Variants in CFAP157 observed in about 807,000 individuals in gnomAD.
CFAP157 encodes the protein cilia and flagella associated protein 157, also known as cilia- and flagella-associated protein 157.
In CFAP157, 43 loss-of-function variants were observed where a neutral mutation model predicts 57.8. The observed-to-expected ratio is 0.74, with a 90% CI of 0.58 to 0.96. The LOEUF is 0.96. Ranked by LOEUF, CFAP157 falls within the 40% of genes least tolerant of loss-of-function variation. The pLI, the probability that CFAP157 is intolerant of heterozygous loss-of-function variation, is 0.00. For missense variants in CFAP157, 606 were observed against 655.3 expected (o/e 0.92, Z 0.82); for synonymous variants, 267 against 269.0 (o/e 0.99, Z 0.07).
At position 127,711,831 on chromosome 9, in the gene CFAP157, G is replaced by A. The variant is rs1360730547; in HGVS notation, c.867G>A (p.Met289Ile). Reference protein sequence around the residue: ...HKRGHQKIILMLTKKCQEQQQ... With the variant: ...HKRGHQKIILILTKKCQEQQQ... ...GTCCGCACCCGCAGATCATCCTCAT[G>A]CTGACTAAGAAGTGCCAGGAGCAGC... Residue 289 changes from methionine (M) to isoleucine (I), a missense_variant, in exon 5 of 9, where the codon ATG becomes ATA. Met to Ile is a conservative substitution (Grantham distance 10). Coordinates refer to ENST00000373295, the MANE Select transcript of CFAP157 (RefSeq NM_001012502.3). 2.6e-6 allele frequency: 4 copies of A among 1,567,924 alleles called. No homozygotes were observed. The highest frequency in any genetic ancestry group is 3.5e-6 in the Non-Finnish European group (4 of 1,156,546).
intron 8 of CFAP157, 93 bp from the exon 9 acceptor site, chr9:127,713,741 A>G: frequency 9.6e-7 from 1 of 1,045,770 alleles, no homozygotes; most frequent in Non-Finnish European, 1.5e-6. Flanking sequence ...TCCTGACGTC[A>G]AGCAATCCCC....
rs1214988748 is a variant in CFAP157 at position 127,715,142 on chromosome 9, A to G, written c.*1237A>G. On this transcript the variant is annotated 3_prime_UTR_variant, in exon 9 of 9. Transcript: ENST00000373295. This position sits in a 1 kb window ranked among gnomAD's most constrained non-coding sequence, Gnocchi z 5.8. ...CCGCGCCAGCTGCCCCAGCACCGCC[A>G]TGCCCACGCTGTGTCGCGTGCCGGG... 1 of 1,537,712 alleles carries G rather than the reference A, an allele frequency of 6.5e-7. No individual in the cohort carries two copies. Among genetic ancestry groups the G allele is most frequent in the Admixed American group, 1.9e-5 (1 of 51,798 alleles).
chr9:127,712,552 G>A lies in CFAP157; in HGVS notation c.1138-157G>A, dbSNP rs928002816. 8 of 1,529,292 alleles carry A rather than the reference G, an allele frequency of 5.2e-6. No homozygotes were observed. In the African/African-American group the frequency reaches 9.6e-5, roughly 18 times the overall value. The allele number at this position is 1,529,292 out of a possible 1,614,324, so 94.7% of individuals were successfully genotyped here. A position where few individuals can be genotyped will look rare whatever the true frequency, so the allele number is the denominator to read the frequency against. On this transcript the variant is annotated intron_variant, in intron 6 of 8. Transcript: ENST00000373295. ...AGCTGGATTCCTTCTCTGAGGCTCT[G>A]AAAGGTCTTGGGCCTCAGTCTTCCC... is the stretch of plus-strand genomic sequence containing the variant.
rs755719395 is a variant in CFAP157, at chr9:127,711,244, C to A, written c.603C>A (p.Ile201=). 3 of 1,613,868 alleles carry A rather than the reference C, an allele frequency of 1.9e-6. No homozygotes were observed. Among genetic ancestry groups the A allele is most frequent in the Non-Finnish European group, 2.5e-6 (3 of 1,179,928 alleles). Residue 201 remains isoleucine (I), a synonymous_variant, in exon 4 of 9, where the codon ATC becomes ATA. Transcript: ENST00000373295. ...VLDKDRLRKE[I]IQRVNLVANE... ...TTCTGGCCAGACTGAGGAAAGAGAT[C>A]ATCCAGCGCGTGAACCTCGTGGCCA... is the stretch of plus-strand genomic sequence containing the variant.
rs769140179 is a variant in CFAP157, at chr9:127,711,779, C to T, written c.856-41C>T. 73 of 1,540,348 alleles carry T rather than the reference C, an allele frequency of 4.7e-5. No homozygotes were observed. In the East Asian group the frequency reaches 1.7e-3, roughly 36 times the overall value. On this transcript the variant is annotated intron_variant, in intron 4 of 8. Coordinates refer to ENST00000373295, the MANE Select transcript of CFAP157 (RefSeq NM_001012502.3). Reference sequence around the variant, plus strand: ...CCTGGCTGTGTCTGCAGCTGGGGGACAGGGCAGGCTGAGGGCATGGCCACC... The same window carrying T: ...CCTGGCTGTGTCTGCAGCTGGGGGATAGGGCAGGCTGAGGGCATGGCCACC...
At position 127,715,574 on chromosome 9, in the gene CFAP157, C is replaced by A. The variant is rs775613929; in HGVS notation, c.*1669C>A. 19 of 1,613,402 alleles carry A rather than the reference C, an allele frequency of 1.2e-5. No individual in the cohort carries two copies. The Admixed American group carries it at 3.2e-4, about 27-fold the overall frequency. On this transcript the variant is annotated 3_prime_UTR_variant, in exon 9 of 9. Coordinates refer to ENST00000373295, the MANE Select transcript of CFAP157 (RefSeq NM_001012502.3). The surrounding 1 kb of genome is among the most constrained non-coding windows in gnomAD (Gnocchi z 5.8). The stretch of plus-strand genomic sequence containing the variant: ...ACCGCTTCCCCGGGGGGCGAGGCTC[C>A]AAAACACATCGGCTCATGGCTCTAC...
At chr9:127,707,924 G>A (rs7849125) in intron 1 of CFAP157, among the ~76,000 whole-genome samples, 7,934 of 152,222 alleles carry the variant, frequency 0.052, 720 homozygotes, top group African/African-American at 0.18. Context: ...GTCCCTCGTG[G>A]TGCCAGGCAG....
chr9:127,707,249 T>TG (rs1398325602), intron 1 of CFAP157, 57 bp downstream of exon 1: 2 of 1,579,212 alleles, frequency 1.3e-6, no homozygotes, highest in African/African-American at 2.7e-5. Flanking sequence ...CATGCCCAGG[T>TG]GGCCCCCATG....
intron 8 of CFAP157, 86 bp from the exon 9 acceptor site, chr9:127,713,748 C>T (rs1842825861): frequency 9.0e-7 from 1 of 1,109,136 alleles, no homozygotes; most frequent in Non-Finnish European, 1.4e-6. Context: ...GTCAAGCAAT[C>T]CCCCAGCCTC....
chr9:127,712,785 T>C lies in CFAP157; in HGVS notation c.1214T>C (p.Leu405Pro). Reference sequence around the variant, plus strand: ...CACAAGGAGATGCTGCAGCAACTGCTGGTCATGCTCAGCTCCACTGTGGCC... The same window carrying C: ...CACAAGGAGATGCTGCAGCAACTGCCGGTCATGCTCAGCTCCACTGTGGCC... ...PWHKEMLQQL[L>P]VMLSSTVATR... Residue 405 changes from leucine to proline, a missense_variant, in exon 7 of 9, where the codon CTG becomes CCG. Physicochemically the swap from Leu to Pro is moderately conservative, Grantham distance 98. Transcript: ENST00000373295. 3 of 1,614,188 alleles carry C rather than the reference T, an allele frequency of 1.9e-6. No individual in the cohort carries two copies. Among genetic ancestry groups the C allele is most frequent in the Non-Finnish European group, 2.5e-6 (3 of 1,180,014 alleles).
chr9:127,708,563 G>A (rs1241254201), intron 1 of CFAP157, among the ~76,000 whole-genome samples: 1 of 152,218 alleles, frequency 6.6e-6, no homozygotes, highest in Non-Finnish European at 1.5e-5. Context: ...AATTGGTTAT[G>A]TGATACTGAT....
intron 8 of CFAP157, 24 bp downstream of exon 8, chr9:127,713,230 G>A (rs1473867982): frequency 1.3e-6 from 2 of 1,508,626 alleles, no homozygotes; most frequent in Non-Finnish European, 1.8e-6. Flanking sequence ...GGGCCCCAGG[G>A]AAAGCAAGGT....
At position 127,712,335 on chromosome 9, in the gene CFAP157, C is replaced by T. The variant is rs769864833; in HGVS notation, c.1123C>T (p.Gln375Ter). Residue 375 changes from glutamine (Q) to a stop codon, truncating the protein, a stop_gained, in exon 6 of 9, where the codon CAG becomes TAG. Coordinates refer to ENST00000373295, the MANE Select transcript of CFAP157 (RefSeq NM_001012502.3). LOFTEE classifies it high-confidence loss of function. ...TCTGGTCCAGGCCACCTCCTTCCTA[C>T]AGAACATTCTGCAGGTGAGCAGAAG... is the stretch of plus-strand genomic sequence containing the variant. ...AALVQATSFL[Q>*]NILQMHRDEE... The T allele has an allele frequency of 5.0e-6, 8 of 1,613,890 alleles. No individual in the cohort carries two copies. The highest frequency in any genetic ancestry group is 6.8e-6 in the Non-Finnish European group (8 of 1,179,974).
Position 127,715,329 on chromosome 9 carries a change from C to T in CFAP157, c.*1424C>T. The T allele has an allele frequency of 7.9e-7, 1 of 1,260,480 alleles. No homozygotes were observed. The highest frequency in any genetic ancestry group is 1.1e-6 in the Non-Finnish European group (1 of 895,084). 78.1% of individuals were successfully genotyped at this position (1,260,480 alleles called of 1,614,324 possible). On this transcript the variant is annotated 3_prime_UTR_variant, in exon 9 of 9. Transcript: ENST00000373295. This position sits in a 1 kb window ranked among gnomAD's most constrained non-coding sequence, Gnocchi z 5.8. ...GTGGGGAAGGGGCGCGAAGAAGGGGCCCAGAAACCCGACCCCTGAGAACTC... is the reference window on the plus strand; with the variant it reads ...GTGGGGAAGGGGCGCGAAGAAGGGGTCCAGAAACCCGACCCCTGAGAACTC...
Position 127,714,147 on chromosome 9 carries a change from A to G in CFAP157, c.*242A>G, listed in dbSNP as rs746777512. ...TGGCTTCGCTCACGGATGTGGTCCA[A>G]GATCAGGTCGGTGGCTCGATCCAGC... On this transcript the variant is annotated 3_prime_UTR_variant, in exon 9 of 9. Coordinates refer to ENST00000373295, the MANE Select transcript of CFAP157 (RefSeq NM_001012502.3). The G allele has an allele frequency of 1.2e-5, 20 of 1,613,808 alleles. No homozygotes were observed. In the South Asian group the frequency reaches 2.2e-4, roughly 18 times the overall value.
Position 127,710,597 on chromosome 9 carries a change from C to G in CFAP157, c.434-4C>G. ...CATTGGGCCTTGTGCGCTGTGGCGG[C>G]CAGGGGGGAAGCTGGCAGCCCTGGA... On this transcript the variant is annotated splice_region_variant and splice_polypyrimidine_tract_variant and intron_variant, in intron 2 of 8. Transcript: ENST00000373295. The G allele has an allele frequency of 6.3e-7, 1 of 1,577,316 alleles. No individual in the cohort carries two copies.
chr9:127,715,989 A>T lies in CFAP157; in HGVS notation c.*2084A>T. ...GGCCTCAACCTCTCCAGCTAATAAA[A>T]GTTTTCTACCTCCCTCCGGCTCAAA... On this transcript the variant is annotated 3_prime_UTR_variant, in exon 9 of 9. Transcript: ENST00000373295. This position sits in a 1 kb window ranked among gnomAD's most constrained non-coding sequence, Gnocchi z 5.8. 1 of 1,085,440 alleles carries T rather than the reference A, an allele frequency of 9.2e-7. No homozygotes were observed. The highest frequency in any genetic ancestry group is 2.1e-5 in the Admixed American group (1 of 47,064). The allele number at this position is 1,085,440 out of a possible 1,614,324, so 67.2% of individuals were successfully genotyped here.
intron 4 of CFAP157, 36 bp from the exon 5 acceptor site, chr9:127,711,784 C>T (rs1423538852): frequency 5.8e-6 from 9 of 1,543,604 alleles, no homozygotes; most frequent in Non-Finnish European, 7.9e-6. Flanking sequence ...GGGGACAGGG[C>T]AGGCTGAGGG....
At position 127,714,212 on chromosome 9, in the gene CFAP157, C is replaced by T. The variant is rs766802204; in HGVS notation, c.*307C>T. 1.2e-5 allele frequency: 19 copies of T among 1,613,804 alleles called. No individual in the cohort carries two copies. The East Asian group carries it at 3.8e-4, about 32-fold the overall frequency. On this transcript the variant is annotated 3_prime_UTR_variant, in exon 9 of 9. Transcript: ENST00000373295. ...CTCCTGCTCAGCAGGGGAGAAGCAG[C>T]CCAGCACATGGGCCTGAACCGCCTC...
Sources: allele counts gnomAD v4.1 joint callset (sites outside exome capture counted in the v4.1 genomes callset), GRCh38; gene constraint gnomAD v4.1.1; non-coding constraint Gnocchi (gnomAD v3.1); transcripts MANE v1.5; gene names NCBI Gene and HGNC (gene_info 2026-07-23, HGNC 2026-07-21).